PSEN1: variants seen among roughly 807,000 people sequenced by gnomAD.
PSEN1 encodes presenilin 1.
In PSEN1, 15 loss-of-function variants were observed where a neutral mutation model predicts 53.5. The observed-to-expected ratio is 0.28, with a 90% CI of 0.19 to 0.43. The LOEUF (loss-of-function observed/expected upper bound fraction) is 0.43. PSEN1 is among the 20% of genes least tolerant of loss of function. The pLI, the probability that PSEN1 is intolerant of heterozygous loss-of-function variation, is 1.00. For synonymous variants in PSEN1, 208 were observed against 209.8 expected (o/e 0.99, Z 0.08); for missense variants, 387 against 571.2 (o/e 0.68, Z 3.29).
Position 73,219,410 on chromosome 14 carries a change from G to T in PSEN1, c.*121G>T. ...AGTCAAGATTCCCGGCTGGACTTTT[G>T]CAGCTTCCTTCCAAGTCTTCCTGAC... On this transcript the variant is annotated 3_prime_UTR_variant, in exon 12 of 12. Transcript: ENST00000324501. 1 of 1,146,746 alleles carries T rather than the reference G, an allele frequency of 8.7e-7. No homozygotes were observed. The highest frequency in any genetic ancestry group is 1.2e-5 in the South Asian group (1 of 80,692). 71.0% of individuals were successfully genotyped at this position (1,146,746 alleles called of 1,614,324 possible). A position where few individuals can be genotyped will look rare whatever the true frequency, so the allele number is the denominator to read the frequency against.
At chr14:73,143,699 G>A (rs1226533570) in intron 1 of PSEN1, among the ~76,000 whole-genome samples, 1 of 152,068 alleles carries the variant, frequency 6.6e-6, no homozygotes, top group Non-Finnish European at 1.5e-5. Context: ...TTAGCATAGG[G>A]TAAAAATGGA....
intron 7 of PSEN1, among the ~76,000 whole-genome samples, chr14:73,194,439 T>G (rs10131938): frequency 0.015 from 2,276 of 152,194 alleles, 56 homozygotes; most frequent in African/African-American, 0.051. Flanking sequence ...AAAAAATTTT[T>G]TTTCAGAGAT....
chr14:73,192,663 A>G lies in PSEN1; in HGVS notation c.568A>G (p.Asn190Asp), dbSNP rs781431904. Residue 190 changes from asparagine to aspartate, a missense_variant, in exon 7 of 12, where the codon AAC (asparagine) becomes GAC (aspartate). By Grantham distance (23) the Asn-to-Asp change is conservative. This residue lies in a region of PSEN1 where 169 missense variants were observed against 299.7 expected (regional missense o/e 0.56). Transcript: ENST00000324501. ...TTTCAGGGAAGTGTTTAAAACCTATAACGTTGCTGTGGACTACATTACTGT... is the reference window on the plus strand; with the variant it reads ...TTTCAGGGAAGTGTTTAAAACCTATGACGTTGCTGTGGACTACATTACTGT... ...IYLGEVFKTY[N>D]VAVDYITVAL... The G allele has an allele frequency of 2.5e-6, 4 of 1,613,758 alleles. No individual in the cohort carries two copies. In the South Asian group the frequency reaches 3.3e-5, roughly 13 times the overall value.
In PSEN1 at chr14:73,221,922, G is replaced by C. The variant is rs564490926; in HGVS notation, c.*2633G>C. ...CAAAACCAGCAGTAGAGTATGACCA[G>C]CCAAGCCAATCTGCTTAATAAAAAG... On this transcript the variant is annotated 3_prime_UTR_variant, in exon 12 of 12. Coordinates refer to ENST00000324501, the MANE Select transcript of PSEN1 (RefSeq NM_000021.4). 1.9e-4 allele frequency: 29 copies of C among 152,254 alleles called. No individual in the cohort carries two copies. Among genetic ancestry groups the C allele is most frequent in the African/African-American group, 6.7e-4 (28 of 41,540 alleles). 9.4% of individuals were successfully genotyped at this position (152,254 alleles called of 1,614,324 possible). A position where few individuals can be genotyped will look rare whatever the true frequency, so the allele number is the denominator to read the frequency against.
At chr14:73,158,237 G>A (rs1343787079) in intron 3 of PSEN1, among the ~76,000 whole-genome samples, 1 of 152,076 alleles carries the variant, frequency 6.6e-6, no homozygotes, top group Non-Finnish European at 1.5e-5. Flanking sequence ...AAATACCTAG[G>A]AGTAGAATAT....
At chr14:73,148,869 G>A (rs1019560318) in intron 3 of PSEN1, among the ~76,000 whole-genome samples, 2 of 152,070 alleles carry the variant, frequency 1.3e-5, no homozygotes, top group Non-Finnish European at 2.9e-5. Flanking sequence ...GGAGGTGGAG[G>A]TTACAGTGAG....
intron 5 of PSEN1, among the ~76,000 whole-genome samples, chr14:73,183,391 T>G (rs374168443): frequency 6.6e-6 from 1 of 151,754 alleles, no homozygotes; most frequent in East Asian, 1.9e-4. Flanking sequence ...GGAAGGTCAG[T>G]AGATAAACAA....
chr14:73,211,609 G>A (rs1349932214), intron 9 of PSEN1, among the ~76,000 whole-genome samples, 160 bp from the exon 10 acceptor site: 1 of 152,218 alleles, frequency 6.6e-6, no homozygotes, highest in African/African-American at 2.4e-5. Context: ...GGAGAAAATA[G>A]CTGTTGGATA....
rs143357125 is a variant in PSEN1, at chr14:73,210,514, T to G, written c.956-1255T>G. Among the ~76,000 whole-genome samples, 21 of 152,304 alleles carry G rather than the reference T, an allele frequency of 1.4e-4. No homozygotes were observed. In the South Asian group the frequency reaches 4.3e-3, roughly 32 times the overall value. ...TATGGCACAATGAGCATGCTACTTA[T>G]AATTAATTATGGAGGTAAATACCAA... On this transcript the variant is annotated intron_variant, in intron 9 of 11. Transcript: ENST00000324501.
intron 5 of PSEN1, among the ~76,000 whole-genome samples, chr14:73,182,180 T>G (rs913543263): frequency 6.6e-6 from 1 of 152,198 alleles, no homozygotes; most frequent in African/African-American, 2.4e-5. Flanking sequence ...ATGTTACTTT[T>G]GATTCAGAAA....
intron 1 of PSEN1, among the ~76,000 whole-genome samples, chr14:73,144,248 G>T (rs1372558350): frequency 5.9e-5 from 9 of 151,830 alleles, no homozygotes; most frequent in Admixed American, 5.9e-4. Flanking sequence ...CACCATGTTG[G>T]CCAGGCTGGT....
Position 73,192,882 on chromosome 14 carries a change from T to C in PSEN1, c.769+18T>C. The C allele has an allele frequency of 6.3e-7, 1 of 1,575,440 alleles. No individual in the cohort carries two copies. Among genetic ancestry groups the C allele is most frequent in the Middle Eastern group, 1.7e-4 (1 of 6,004 alleles). ...AGTATATGGTAAAACCCAAGACTGA[T>C]AATTTGTTTGTCACAGGAATGCCCC... On this transcript the variant is annotated intron_variant, in intron 7 of 11. Transcript: ENST00000324501.
At chr14:73,203,316 G>A (rs562374809) in intron 8 of PSEN1, among the ~76,000 whole-genome samples, 2 of 151,986 alleles carry the variant, frequency 1.3e-5, no homozygotes, top group Non-Finnish European at 2.9e-5. Flanking sequence ...TCAAACTTGT[G>A]ACCTCAGGTG....
At chr14:73,194,577 T>TC (rs1898862586) in intron 7 of PSEN1, among the ~76,000 whole-genome samples, 1 of 149,284 alleles carries the variant, frequency 6.7e-6, no homozygotes, top group African/African-American at 2.5e-5. Flanking sequence ...TTTTTTTTTT[T>TC]TTTTTTTTCA....
At chr14:73,140,696 C>G (rs1374797708) in intron 1 of PSEN1, among the ~76,000 whole-genome samples, 1 of 152,004 alleles carries the variant, frequency 6.6e-6, no homozygotes, top group Non-Finnish European at 1.5e-5. Flanking sequence ...TTTACAAAAT[C>G]CAAAAAAATC....
chr14:73,138,195 T>G (rs1432031855), intron 1 of PSEN1: 4 of 12,152 alleles, frequency 3.3e-4, no homozygotes. Context: ...CATACTATTA[T>G]TTATTTATTT....
intron 1 of PSEN1, among the ~76,000 whole-genome samples, chr14:73,141,515 G>A (rs1013817583): frequency 6.6e-6 from 1 of 152,200 alleles, no homozygotes; most frequent in African/African-American, 2.4e-5. Flanking sequence ...ATTATAGGCT[G>A]AGCACAGTGG....
chr14:73,217,332 C>A (rs556171721), intron 11 of PSEN1, 88 bp downstream of exon 11: 3 of 1,489,586 alleles, frequency 2.0e-6, no homozygotes, highest in Non-Finnish European at 2.8e-6. Flanking sequence ...TGTTTTAACC[C>A]CAGGTGGGTT....
chr14:73,193,581 A>T (rs1219648053), intron 7 of PSEN1, among the ~76,000 whole-genome samples: 1 of 150,326 alleles, frequency 6.7e-6, no homozygotes, highest in African/African-American at 2.4e-5. Flanking sequence ...AAAAAAAAGC[A>T]CAAGCAGAGT....
Sources: gnomAD v4.1 joint callset for allele counts (sites outside exome capture counted in the v4.1 genomes callset) on GRCh38, gnomAD v4.1.1 for gene constraint, gnomAD v4.1.1 regional missense constraint, MANE v1.5 for transcripts, NCBI Gene and HGNC (gene_info 2026-07-23, HGNC 2026-07-21) for gene names.